Variants in RASSF3 observed in about 807,000 individuals in gnomAD.
The protein encoded by RASSF3 is ras association domain-containing protein 3.
RASSF3 carries 19 observed loss-of-function variants against 19.9 expected under a neutral mutation model. The ratio of observed to expected loss-of-function variants is 0.96; its 90% CI spans 0.67 to 1.40. RASSF3 has a LOEUF of 1.40. Ranked by LOEUF, RASSF3 falls within the 40% of genes most tolerant of loss-of-function variation. RASSF3 has a pLI of 0.00. For synonymous variants in RASSF3, 110 were observed against 104.2 expected (o/e 1.06, Z -0.34); for missense variants, 306 against 289.8 (o/e 1.06, Z -0.41).
chr12:64,619,639 T>C (rs1466092330), intron 1 of RASSF3, among the ~76,000 whole-genome samples: 2 of 152,098 alleles, frequency 1.3e-5, no homozygotes, highest in Admixed American at 6.6e-5. Context: ...ATTTAGAAGA[T>C]CTTGGAGTTA....
intron 1 of RASSF3, among the ~76,000 whole-genome samples, chr12:64,649,349 C>A (rs1437531030): frequency 2.6e-5 from 4 of 151,996 alleles, no homozygotes; most frequent in Non-Finnish European, 5.9e-5. Flanking sequence ...CCCGCCACCA[C>A]ACCCGGCTAA....
At chr12:64,659,518 G>A (rs1872271610) in intron 1 of RASSF3, among the ~76,000 whole-genome samples, 1 of 152,118 alleles carries the variant, frequency 6.6e-6, no homozygotes, top group Admixed American at 6.6e-5. Flanking sequence ...TTTGGTTCAA[G>A]GGTTGTCTGT....
At position 64,641,414 on chromosome 12, in the gene RASSF3, A is replaced by ACACACACACACACACACACACACGCGCG; in HGVS notation, c.111+30672_111+30673insACACACACACACACACACACACGCGCGC. On this transcript the variant is annotated intron_variant, in intron 1 of 4. Transcript: ENST00000542104. ...CTGTCTCACAGGCGCACACACACAC[A>ACACACACACACACACACACACACGCGCG]CGCGCGCGCGCGCGTTGAAAACAAA... Among the ~76,000 whole-genome samples, 845 of 142,010 alleles carry ACACACACACACACACACACACACGCGCG rather than the reference A, an allele frequency of 6.0e-3. 9 individuals are homozygous for ACACACACACACACACACACACACGCGCG. The highest frequency in any genetic ancestry group is 0.022 in the African/African-American group (790 of 35,592). The allele number at this position is 142,010 out of a possible 152,430, so 93.2% of individuals were successfully genotyped here. A position where few individuals can be genotyped will look rare whatever the true frequency, so the allele number is the denominator to read the frequency against.
At chr12:64,559,877 T>C (rs560233793) in intron 2 of RASSF3, among the ~76,000 whole-genome samples, 1 of 152,378 alleles carries the variant, frequency 6.6e-6, no homozygotes, top group East Asian at 1.9e-4. Flanking sequence ...GGTCCTTTGA[T>C]ATATAATCTC....
Position 64,691,559 on chromosome 12 carries a change from C to T in RASSF3, c.547C>T (p.Arg183Cys), listed in dbSNP as rs760202939. Residue 183 changes from arginine to cysteine, a missense_variant, in exon 4 of 5, where the codon CGT becomes TGT. Coordinates refer to ENST00000542104, the MANE Select transcript of RASSF3 (RefSeq NM_178169.4). Reference protein sequence around the residue: ...PRTDTLSFVLREHEIGEWEAF... With the variant: ...PRTDTLSFVLCEHEIGEWEAF... ...AACAGACACACTTAGTTTTGTTCTT[C>T]GTGAACATGAAATTGGAGAGGTAAG... 7.5e-5 allele frequency: 120 copies of T among 1,602,524 alleles called. No homozygotes were observed. Among genetic ancestry groups the T allele is most frequent in the Admixed American group, 5.3e-4 (31 of 58,994 alleles).
At chr12:64,677,839 T>C (rs1420395577) in intron 1 of RASSF3, among the ~76,000 whole-genome samples, 1 of 152,204 alleles carries the variant, frequency 6.6e-6, no homozygotes, top group African/African-American at 2.4e-5. Context: ...TCCCTATTAG[T>C]CATACTTTAA....
chr12:64,558,393 T>C (rs769758542), intron 2 of RASSF3, among the ~76,000 whole-genome samples: 11 of 152,186 alleles, frequency 7.2e-5, no homozygotes, highest in East Asian at 1.9e-4. Context: ...GTTGTTAATA[T>C]GTGACACAAA....
chr12:64,560,441 C>G (rs1180273551), intron 2 of RASSF3, among the ~76,000 whole-genome samples: 1 of 152,194 alleles, frequency 6.6e-6, no homozygotes, highest in Non-Finnish European at 1.5e-5. Context: ...CAACTCTGCT[C>G]TCCCTGTAGC....
intron 1 of RASSF3, among the ~76,000 whole-genome samples, chr12:64,631,656 C>T (rs1055083561): frequency 1.3e-5 from 2 of 152,126 alleles, no homozygotes; most frequent in African/African-American, 4.8e-5. Context: ...ACTGCAACCT[C>T]TGTCTCCCGG....
intron 2 of RASSF3, among the ~76,000 whole-genome samples, chr12:64,575,476 C>A (rs900503942): frequency 6.6e-6 from 1 of 152,134 alleles, no homozygotes; most frequent in Non-Finnish European, 1.5e-5. Flanking sequence ...TCACTTAACG[C>A]CAGGAGTTCA....
chr12:64,513,807 C>T (rs1565829395), intron 1 of RASSF3, among the ~76,000 whole-genome samples: 2 of 152,162 alleles, frequency 1.3e-5, no homozygotes, highest in Admixed American at 1.3e-4. Flanking sequence ...AGGAACCGTG[C>T]AGTATCTCAT....
rs66975333 is a variant in RASSF3, at chr12:64,520,555, CAT to C, written c.169+13265_169+13266del. ...ACACACACAGATACACACATACACA[CAT>C]ATATATATATATATATATATATATA... On this transcript the variant is annotated intron_variant, in intron 1 of 5. Transcript: ENST00000637125. Among the ~76,000 whole-genome samples, 564 of 86,292 alleles carry C rather than the reference CAT, an allele frequency of 6.5e-3. 3 individuals carry two copies. Among genetic ancestry groups the C allele is most frequent in the Admixed American group, 0.016 (117 of 7,484 alleles). The allele number at this position is 86,292 out of a possible 152,430, so 56.6% of individuals were successfully genotyped here.
chr12:64,521,267 G>A (rs1300761702), intron 1 of RASSF3, among the ~76,000 whole-genome samples: 1 of 152,214 alleles, frequency 6.6e-6, no homozygotes, highest in East Asian at 1.9e-4. Flanking sequence ...AAGTGGACAG[G>A]TAGGTGATAT....
chr12:64,616,056 A>G (rs1268737056), intron 1 of RASSF3, among the ~76,000 whole-genome samples: 1 of 152,228 alleles, frequency 6.6e-6, no homozygotes, highest in Non-Finnish European at 1.5e-5. Context: ...GCCTAGGGCA[A>G]GGTGATTTAC....
intron 1 of RASSF3, among the ~76,000 whole-genome samples, chr12:64,510,352 CT>C (rs1296793633): frequency 6.6e-6 from 1 of 152,166 alleles, no homozygotes; most frequent in Non-Finnish European, 1.5e-5. Context: ...GGGATCCTTG[CT>C]CCACCCTTCT....
Position 64,520,581 on chromosome 12 carries a change from T to C in RASSF3, c.169+13252T>C, listed in dbSNP as rs973642540. Among the ~76,000 whole-genome samples, 7 of 123,180 alleles carry C rather than the reference T, an allele frequency of 5.7e-5. 1 individual carries two copies. The highest frequency in any genetic ancestry group is 2.5e-4 in the South Asian group (1 of 4,014). 80.8% of individuals were successfully genotyped at this position (123,180 alleles called of 152,430 possible). On this transcript the variant is annotated intron_variant, in intron 1 of 5. Coordinates refer to the RASSF3 transcript ENST00000637125. Reference sequence around the variant, plus strand: ...ATATATATATATATATATATATATATATATATATATATATGCACATATATG... The same window carrying C: ...ATATATATATATATATATATATATACATATATATATATATGCACATATATG...
At chr12:64,645,522 T>G (rs901596796) in intron 1 of RASSF3, among the ~76,000 whole-genome samples, 1 of 152,046 alleles carries the variant, frequency 6.6e-6, no homozygotes, top group Non-Finnish European at 1.5e-5. Flanking sequence ...TTTTAAATTA[T>G]AAAATTTTAA....
intron 1 of RASSF3, among the ~76,000 whole-genome samples, chr12:64,626,164 A>G (rs1870984037): frequency 6.6e-6 from 1 of 152,170 alleles, no homozygotes; most frequent in South Asian, 2.1e-4. Context: ...TTTTTGTATA[A>G]ATGTTATTAT....
intron 1 of RASSF3, among the ~76,000 whole-genome samples, chr12:64,679,863 G>A (rs1284416770): frequency 1.3e-5 from 2 of 152,198 alleles, no homozygotes; most frequent in African/African-American, 2.4e-5. Flanking sequence ...GCTCTCAGGC[G>A]TGGCATGATG....
Sources: allele counts gnomAD v4.1 joint callset (sites outside exome capture counted in the v4.1 genomes callset), GRCh38; gene constraint gnomAD v4.1.1; transcripts MANE v1.5; gene names NCBI Gene and HGNC (gene_info 2026-07-23, HGNC 2026-07-21).